TMEM14B: variants seen among roughly 807,000 people sequenced by gnomAD.
TMEM14B encodes transmembrane protein 14B.
TMEM14B carries 9 observed loss-of-function variants against 14.8 expected under a neutral mutation model. The observed-to-expected ratio is 0.61, with a 90% CI of 0.37 to 1.06. TMEM14B has a LOEUF of 1.06. TMEM14B is among the 50% of genes least tolerant of loss of function. TMEM14B has a pLI of 0.01. For missense variants in TMEM14B, 128 were observed against 143.6 expected (o/e 0.89, Z 0.56); for synonymous variants, 40 against 51.3 (o/e 0.78, Z 0.94).
chr6:10,751,466 G>A (rs1771565505), intron 4 of TMEM14B, among the ~76,000 whole-genome samples: 1 of 152,026 alleles, frequency 6.6e-6, no homozygotes, highest in Admixed American at 6.6e-5. Flanking sequence ...CATACCTTGT[G>A]AATTGTGTGA....
intron 4 of TMEM14B, chr6:10,752,946 A>G (rs1317099720): frequency 6.6e-6 from 1 of 152,086 alleles, no homozygotes; most frequent in Non-Finnish European, 1.5e-5. Context: ...CTTAAAGATC[A>G]TTTATGCAGC....
intron 1 of TMEM14B, among the ~76,000 whole-genome samples, chr6:10,748,768 T>G (rs994511595): frequency 6.6e-6 from 1 of 151,890 alleles, no homozygotes; most frequent in Admixed American, 6.6e-5. Context: ...AAAAAAAAAA[T>G]TGAGTATTGA....
rs150383008 is a variant in TMEM14B, at chr6:10,748,790, G to C, written c.-44-412G>C. ...AAATTGAGTATTGAAATTGGCTGTT[G>C]CATCAGTGAAGAAAAGCAACATCCC... On this transcript the variant is annotated intron_variant, in intron 1 of 5. Coordinates refer to ENST00000379542, the MANE Select transcript of TMEM14B (RefSeq NM_030969.5). 5.0e-4 allele frequency among the ~76,000 whole-genome samples: 76 copies of C among 152,252 alleles called. 1 individual carries two copies. The highest frequency in any genetic ancestry group is 1.5e-4 in the Non-Finnish European group (10 of 68,016).
chr6:10,751,841 G>T (rs1771584808), intron 4 of TMEM14B, among the ~76,000 whole-genome samples: 1 of 152,128 alleles, frequency 6.6e-6, no homozygotes, highest in African/African-American at 2.4e-5. Flanking sequence ...CCTGTGAGCA[G>T]CACGGACAGT....
chr6:10,747,913 T>C (rs949861264), intron 1 of TMEM14B, 32 bp downstream of exon 1: 12 of 152,308 alleles, frequency 7.9e-5, no homozygotes, highest in African/African-American at 2.9e-4. Flanking sequence ...GTATTGTTTT[T>C]ATTTTCTGCC....
rs752097412 is a variant in TMEM14B at position 10,755,356 on chromosome 6, T to A, written c.293+124T>A. On this transcript the variant is annotated intron_variant, in intron 5 of 5. Coordinates refer to ENST00000379542, the MANE Select transcript of TMEM14B (RefSeq NM_030969.5). ...TGCTATGCATCAACTGACGTTTGAC[T>A]TATACACTAATAGGAGATGCTTCAA... 3.9e-6 allele frequency: 6 copies of A among 1,556,372 alleles called. No homozygotes were observed. The South Asian group carries it at 5.8e-5, about 15-fold the overall frequency.
At chr6:10,753,198 T>C (rs1013138228) in intron 4 of TMEM14B, among the ~76,000 whole-genome samples, 1 of 151,252 alleles carries the variant, frequency 6.6e-6, no homozygotes, top group Non-Finnish European at 1.5e-5. Flanking sequence ...ATGACGCCAC[T>C]GCACTCCAGC....
At chr6:10,755,537 G>T in intron 5 of TMEM14B, 1 of 1,352,646 alleles carries the variant, frequency 7.4e-7, no homozygotes, top group Non-Finnish European at 9.5e-7. Context: ...AGGATGTGTG[G>T]GGGTCCCATA....
Position 10,756,545 on chromosome 6 carries a change from A to T in TMEM14B, c.*27A>T. 1 of 1,606,734 alleles carries T rather than the reference A, an allele frequency of 6.2e-7. No homozygotes were observed. Among genetic ancestry groups the T allele is most frequent in the South Asian group, 1.1e-5 (1 of 89,334 alleles). On this transcript the variant is annotated 3_prime_UTR_variant, in exon 6 of 6. Transcript: ENST00000379542. The stretch of plus-strand genomic sequence containing the variant: ...AGAAGTCATGTTCCAGCTTGGACTC[A>T]TGAAGGATTAAAAATCTGCATCTTC...
intron 4 of TMEM14B, among the ~76,000 whole-genome samples, chr6:10,751,757 T>TGCTTTCAAGGA (rs1771581056): frequency 6.6e-6 from 1 of 152,098 alleles, no homozygotes; most frequent in South Asian, 2.1e-4. Context: ...ACGTAGACCA[T>TGCTTTCAAGGA]GCTTTCAAGG....
intron 5 of TMEM14B, chr6:10,755,518 G>A: frequency 2.2e-6 from 3 of 1,376,208 alleles, no homozygotes; most frequent in Non-Finnish European, 1.9e-6. Flanking sequence ...CCTTTTGTGT[G>A]ACTTGCGGAG....
At chr6:10,750,604 G>C (rs899574783) in intron 3 of TMEM14B, among the ~76,000 whole-genome samples, 2 of 151,986 alleles carry the variant, frequency 1.3e-5, no homozygotes, top group Non-Finnish European at 2.9e-5. Flanking sequence ...CGAATTCCTG[G>C]GAACTGCGGA....
At chr6:10,755,485 T>C (rs1771769390) in intron 5 of TMEM14B, 1 of 1,421,654 alleles carries the variant, frequency 7.0e-7, no homozygotes. Flanking sequence ...GGCAGAAGTT[T>C]TATTGCAAAG....
chr6:10,753,408 C>T (rs1399794598), intron 4 of TMEM14B, among the ~76,000 whole-genome samples: 26 of 151,992 alleles, frequency 1.7e-4, no homozygotes, highest in Admixed American at 1.6e-3. Context: ...GGCCATTTAG[C>T]AGTTCTCAGC....
chr6:10,758,784 G>A (rs1771885066), downstream of TMEM14B, among the ~76,000 whole-genome samples: 1 of 152,120 alleles, frequency 6.6e-6, no homozygotes, highest in African/African-American at 2.4e-5. Flanking sequence ...CCTTTTGTGA[G>A]TTGTCTGAGA....
chr6:10,748,350 A>G lies in TMEM14B; in HGVS notation c.-45+469A>G, dbSNP rs990040347. 7.2e-5 allele frequency among the ~76,000 whole-genome samples: 11 copies of G among 152,024 alleles called. No individual in the cohort carries two copies. In the East Asian group the frequency reaches 2.1e-3, roughly 29 times the overall value. ...AGCCTCTGCCTCCTGGGCTCAAGCC[A>G]TCCTCCCACCTCAGCCTCCCAAGTA... On this transcript the variant is annotated intron_variant, in intron 1 of 5. Transcript: ENST00000379542.
chr6:10,758,212 T>G (rs1771870397), downstream of TMEM14B, among the ~76,000 whole-genome samples: 1 of 152,130 alleles, frequency 6.6e-6, no homozygotes, highest in South Asian at 2.1e-4. Flanking sequence ...CTCCCAGGCT[T>G]CCATAGCTAA....
rs900004948 is a variant in TMEM14B at position 10,753,706 on chromosome 6, CT to C, written c.203-1435del. Among the ~76,000 whole-genome samples the C allele has an allele frequency of 1.5e-4, 23 of 152,188 alleles. 1 individual carries two copies. The highest frequency in any genetic ancestry group is 3.6e-4 in the African/African-American group (15 of 41,452). On this transcript the variant is annotated intron_variant, in intron 4 of 5. Coordinates refer to ENST00000379542, the MANE Select transcript of TMEM14B (RefSeq NM_030969.5). ...CTAACCTCATGGCCACACACTCCCC[CT>C]GTCTTCTGTTCTCCATCCATTCGGT...
At chr6:10,751,367 A>G in intron 4 of TMEM14B, 133 bp downstream of exon 4, 2 of 952,534 alleles carry the variant, frequency 2.1e-6, no homozygotes, top group Non-Finnish European at 1.6e-6. Context: ...CTCCAAGTCC[A>G]AGTCCTCAAA....
Sources: gnomAD v4.1 joint callset for allele counts (sites outside exome capture counted in the v4.1 genomes callset) on GRCh38, gnomAD v4.1.1 for gene constraint, MANE v1.5 for transcripts, NCBI Gene and HGNC (gene_info 2026-07-23, HGNC 2026-07-21) for gene names.